The following PPP4R4 variants were observed in gnomAD, a reference collection of about 807,000 sequenced individuals.
The protein encoded by PPP4R4 is serine/threonine-protein phosphatase 4 regulatory subunit 4.
Under a neutral mutation model 121.8 loss-of-function variants are expected in PPP4R4, and 70 were observed. That is an observed-to-expected ratio of 0.57 (90% CI 0.47 to 0.70). The LOEUF is 0.70. Ranked by LOEUF, PPP4R4 falls within the 30% of genes least tolerant of loss-of-function variation. PPP4R4 has a pLI of 0.00. For synonymous variants in PPP4R4, 348 were observed against 355.7 expected (o/e 0.98, Z 0.24); for missense variants, 875 against 1,033.6 (o/e 0.85, Z 2.10).
At chr14:94,258,438 A>C (rs919561073) in intron 17 of PPP4R4, among the ~76,000 whole-genome samples, 2 of 152,236 alleles carry the variant, frequency 1.3e-5, no homozygotes, top group Non-Finnish European at 2.9e-5. Context: ...GACTTTTTAA[A>C]ACTTCAAAAG....
In PPP4R4 at chr14:94,233,772, A is replaced by C. The variant is rs751899328; in HGVS notation, c.623+13A>C. On this transcript the variant is annotated intron_variant, in intron 6 of 24. Coordinates refer to ENST00000304338, the MANE Select transcript of PPP4R4 (RefSeq NM_058237.2). ...TTGATGCCCACACGTGAGTATTTGTATGTAATTTTCGGTCTACTTTATTAC... is the reference window on the plus strand; with the variant it reads ...TTGATGCCCACACGTGAGTATTTGTCTGTAATTTTCGGTCTACTTTATTAC... 9 of 1,497,690 alleles carry C rather than the reference A, an allele frequency of 6.0e-6. No homozygotes were observed. Among genetic ancestry groups the C allele is most frequent in the Non-Finnish European group, 8.3e-6 (9 of 1,082,066 alleles). The allele number at this position is 1,497,690 out of a possible 1,614,324, so 92.8% of individuals were successfully genotyped here. A position where few individuals can be genotyped will look rare whatever the true frequency, so the allele number is the denominator to read the frequency against.
At chr14:94,249,078 A>T (rs891572203) in intron 14 of PPP4R4, among the ~76,000 whole-genome samples, 3 of 151,986 alleles carry the variant, frequency 2.0e-5, no homozygotes, top group African/African-American at 7.2e-5. Flanking sequence ...AAACTATAAT[A>T]TATATTTTAT....
chr14:94,273,962 T>G (rs781334153), intron 23 of PPP4R4, among the ~76,000 whole-genome samples: 9 of 152,116 alleles, frequency 5.9e-5, no homozygotes, highest in African/African-American at 9.7e-5. Flanking sequence ...ATAGTGTACA[T>G]TTTACCATTA....
At chr14:94,231,987 T>C (rs2139534423) in intron 5 of PPP4R4, among the ~76,000 whole-genome samples, 1 of 149,762 alleles carries the variant, frequency 6.7e-6, no homozygotes, top group Middle Eastern at 3.7e-3. Context: ...TATCAGTTTC[T>C]CTTTATTCCT....
chr14:94,181,250 GAGAA>G (rs906924330), intron 2 of PPP4R4, among the ~76,000 whole-genome samples: 11 of 152,024 alleles, frequency 7.2e-5, no homozygotes, highest in African/African-American at 2.7e-4. Flanking sequence ...GTGTGAGAGA[GAGAA>G]AGAGAGAGGA....
Position 94,231,322 on chromosome 14 carries a change from C to T in PPP4R4, c.516+7C>T. On this transcript the variant is annotated splice_region_variant and intron_variant, in intron 5 of 24. Coordinates refer to ENST00000304338, the MANE Select transcript of PPP4R4 (RefSeq NM_058237.2). ...AGAAACCCTACGGCATGAGGTAATA[C>T]TTTCATGGGGGCAAATACTAATAAG... is the stretch of plus-strand genomic sequence containing the variant. 1.3e-6 allele frequency: 2 copies of T among 1,594,882 alleles called. No homozygotes were observed. The highest frequency in any genetic ancestry group is 1.7e-6 in the Non-Finnish European group (2 of 1,164,106).
chr14:94,233,834 ATT>A, intron 6 of PPP4R4, 75 bp downstream of exon 6: 4 of 964,078 alleles, frequency 4.1e-6, no homozygotes, highest in Non-Finnish European at 6.4e-6. Flanking sequence ...GTAACAATAT[ATT>A]TGTGTTATTT....
At position 94,188,427 on chromosome 14, in the gene PPP4R4, G is replaced by A. The variant is rs74074235; in HGVS notation, c.191+12300G>A. Among the ~76,000 whole-genome samples the A allele has an allele frequency of 3.1e-3, 478 of 152,060 alleles. 2 individuals carry two copies. Among genetic ancestry groups the A allele is most frequent in the African/African-American group, 0.011 (462 of 41,484 alleles). Reference sequence around the variant, plus strand: ...ATGTCTTATTTTGATTGTATTTTATGAAGATGACCCTACAATCAAAATGCC... The same window carrying A: ...ATGTCTTATTTTGATTGTATTTTATAAAGATGACCCTACAATCAAAATGCC... On this transcript the variant is annotated intron_variant, in intron 2 of 24. Transcript: ENST00000304338.
intron 23 of PPP4R4, among the ~76,000 whole-genome samples, chr14:94,273,434 A>G (rs1894453336): frequency 6.6e-6 from 1 of 152,196 alleles, no homozygotes; most frequent in Admixed American, 6.5e-5. Flanking sequence ...CAGTAAAATG[A>G]TAAGTAGTTG....
chr14:94,176,858 T>C (rs1446463238), intron 2 of PPP4R4, among the ~76,000 whole-genome samples: 8 of 152,264 alleles, frequency 5.3e-5, no homozygotes, highest in African/African-American at 1.7e-4. Context: ...AAATTGTTCA[T>C]TAGCTTACAC....
intron 2 of PPP4R4, among the ~76,000 whole-genome samples, chr14:94,196,523 A>C (rs1889885032): frequency 6.6e-6 from 1 of 151,924 alleles, no homozygotes; most frequent in Non-Finnish European, 1.5e-5. Flanking sequence ...CATGTTGGTC[A>C]AGCTGGTCTT....
intron 2 of PPP4R4, among the ~76,000 whole-genome samples, chr14:94,181,408 TG>T (rs1888986442): frequency 6.6e-6 from 1 of 152,224 alleles, no homozygotes; most frequent in Admixed American, 6.5e-5. Context: ...GATAGATAGT[TG>T]GTTAGTTAAT....
intron 2 of PPP4R4, among the ~76,000 whole-genome samples, chr14:94,203,236 G>C (rs1453354509): frequency 2.6e-5 from 4 of 152,034 alleles, no homozygotes; most frequent in Admixed American, 6.5e-5. Flanking sequence ...TCACTAACCT[G>C]TTCTCTATTT....
In PPP4R4 at chr14:94,241,778, T is replaced by C; in HGVS notation, c.977-10T>C. ...TGAAATGTTGAGCTAGTTTTTTATA[T>C]TTGTTTTAGGAATTTTCACTCCAGA... On this transcript the variant is annotated splice_polypyrimidine_tract_variant and intron_variant, in intron 9 of 24. Coordinates refer to ENST00000304338, the MANE Select transcript of PPP4R4 (RefSeq NM_058237.2). The C allele has an allele frequency of 1.3e-6, 2 of 1,530,690 alleles. No homozygotes were observed. The highest frequency in any genetic ancestry group is 1.8e-6 in the Non-Finnish European group (2 of 1,142,806). The allele number at this position is 1,530,690 out of a possible 1,614,324, so 94.8% of individuals were successfully genotyped here. A position where few individuals can be genotyped will look rare whatever the true frequency, so the allele number is the denominator to read the frequency against.
chr14:94,182,883 G>A (rs1424031068), intron 2 of PPP4R4, among the ~76,000 whole-genome samples: 1 of 152,116 alleles, frequency 6.6e-6, no homozygotes, highest in Non-Finnish European at 1.5e-5. Flanking sequence ...TTGTACTTCT[G>A]CCAGCAGTGT....
In PPP4R4 at chr14:94,174,377, A is replaced by G. The variant is rs1888538043; in HGVS notation, c.-89A>G. 8.5e-7 allele frequency: 1 copy of G among 1,176,702 alleles called. No homozygotes were observed. The highest frequency in any genetic ancestry group is 2.7e-5 in the South Asian group (1 of 36,816). 72.9% of individuals were successfully genotyped at this position (1,176,702 alleles called of 1,614,324 possible). On this transcript the variant is annotated 5_prime_UTR_variant, in exon 1 of 25. Transcript: ENST00000304338. ...CGGCTCCAGCGGCCAAGAGCCGGAG[A>G]AAGTCCTGCTGGTGGGCGGCCGCGG...
chr14:94,220,962 G>C (rs1431951958), intron 3 of PPP4R4, among the ~76,000 whole-genome samples: 1 of 152,070 alleles, frequency 6.6e-6, no homozygotes, highest in African/African-American at 2.4e-5. Context: ...AACAAAATTG[G>C]AGGACTTGCA....
At chr14:94,237,183 GA>G (rs1892390713) in intron 7 of PPP4R4, among the ~76,000 whole-genome samples, 1 of 152,030 alleles carries the variant, frequency 6.6e-6, no homozygotes, top group Admixed American at 6.5e-5. Context: ...AATCTAGATA[GA>G]AATATATTAT....
At chr14:94,197,142 T>C (rs1889917794) in intron 2 of PPP4R4, among the ~76,000 whole-genome samples, 1 of 152,190 alleles carries the variant, frequency 6.6e-6, no homozygotes, top group South Asian at 2.1e-4. Context: ...GACCTTCTTG[T>C]TGTTCCTCTG....
Sources: gnomAD v4.1 joint callset for allele counts (sites outside exome capture counted in the v4.1 genomes callset) on GRCh38, gnomAD v4.1.1 for gene constraint, MANE v1.5 for transcripts, NCBI Gene and HGNC (gene_info 2026-07-23, HGNC 2026-07-21) for gene names.